Variants in RAB38 observed in about 807,000 individuals in gnomAD.
The protein encoded by RAB38 is RAB38, member RAS oncogene family.
In RAB38, 15 loss-of-function variants were observed where a neutral mutation model predicts 18.4. The ratio of observed to expected loss-of-function variants is 0.82; its 90% CI spans 0.55 to 1.26. The LOEUF (loss-of-function observed/expected upper bound fraction) is 1.26, where lower values mean the gene tolerates loss of function less well. Among genes scored for constraint, RAB38 ranks in the 50% most tolerant of loss-of-function variants. The probability of loss-of-function intolerance (pLI) is 0.00; values close to 1 mark genes in which losing one functional copy is unlikely to be tolerated. For synonymous variants in RAB38, 101 were observed against 104.4 expected (o/e 0.97, Z 0.20); for missense variants, 294 against 267.4 (o/e 1.10, Z -0.69).
chr11:88,091,688 C>A, the RAB38 span, among the ~76,000 whole-genome samples: 1 of 151,958 alleles, frequency 6.6e-6, no homozygotes, highest in African/African-American at 2.4e-5. Flanking sequence ...CCTTTGTAGT[C>A]ACCAAATGTT....
intron 1 of RAB38, among the ~76,000 whole-genome samples, chr11:88,174,395 A>C (rs1943350590): frequency 6.6e-6 from 1 of 152,000 alleles, no homozygotes; most frequent in Non-Finnish European, 1.5e-5. Context: ...AAAAACAAAC[A>C]ACCTCTCATT....
At chr11:88,043,041 C>CT in the RAB38 span, among the ~76,000 whole-genome samples, 459 of 151,874 alleles carry the variant, frequency 3.0e-3, no homozygotes, top group South Asian at 4.8e-3. Context: ...AACTAATTTC[C>CT]TTTTTTTTTA....
the RAB38 span, among the ~76,000 whole-genome samples, chr11:87,896,363 G>C: frequency 1.3e-5 from 2 of 151,648 alleles, no homozygotes; most frequent in Non-Finnish European, 3.0e-5. Context: ...TTATAGGGAG[G>C]TGAACCATCC....
At chr11:88,098,604 C>T in the RAB38 span, 1 of 151,858 alleles carries the variant, frequency 6.6e-6, no homozygotes, top group East Asian at 1.9e-4. Context: ...TCTTTCCATT[C>T]TCTGTTTTTA....
chr11:87,844,752 A>G, the RAB38 span, among the ~76,000 whole-genome samples: 1 of 152,188 alleles, frequency 6.6e-6, no homozygotes, highest in Non-Finnish European at 1.5e-5. Context: ...TCTGACTTGT[A>G]CATATGGGAA....
the RAB38 span, among the ~76,000 whole-genome samples, chr11:87,806,471 A>T: frequency 6.6e-6 from 1 of 152,156 alleles, no homozygotes; most frequent in Non-Finnish European, 1.5e-5. Context: ...CATCTCTCAA[A>T]GGCTCCATTC....
At chr11:87,907,710 G>T in the RAB38 span, among the ~76,000 whole-genome samples, 20 of 151,050 alleles carry the variant, frequency 1.3e-4, no homozygotes, top group African/African-American at 3.2e-4. Flanking sequence ...GAATAATCTG[G>T]TTTTTTTAAA....
chr11:87,840,554 T>G, the RAB38 span, among the ~76,000 whole-genome samples: 1 of 152,206 alleles, frequency 6.6e-6, no homozygotes, highest in Non-Finnish European at 1.5e-5. Flanking sequence ...GAAAGTTTTT[T>G]TGCAACATTT....
At chr11:87,909,360 TAAG>T in the RAB38 span, among the ~76,000 whole-genome samples, 2 of 151,998 alleles carry the variant, frequency 1.3e-5, no homozygotes, top group Non-Finnish European at 2.9e-5. Context: ...TTGCAGGAGT[TAAG>T]AAGGGCATTC....
the RAB38 span, among the ~76,000 whole-genome samples, chr11:88,053,165 CAT>C: frequency 4.7e-5 from 3 of 63,552 alleles, no homozygotes; most frequent in Non-Finnish European, 9.6e-5. Flanking sequence ...TATATACACA[CAT>C]ATATATGGAA....
At chr11:87,929,647 T>C in the RAB38 span, among the ~76,000 whole-genome samples, 16 of 152,042 alleles carry the variant, frequency 1.1e-4, no homozygotes, top group African/African-American at 3.9e-4. Context: ...ATGTGCCATG[T>C]TGGTGTGCTG....
the RAB38 span, among the ~76,000 whole-genome samples, chr11:88,080,125 T>G: frequency 3.3e-5 from 5 of 151,760 alleles, no homozygotes; most frequent in African/African-American, 7.2e-5. Flanking sequence ...TGATGGCATT[T>G]CCATACATAG....
chr11:87,951,850 C>A, the RAB38 span, among the ~76,000 whole-genome samples: 1 of 152,166 alleles, frequency 6.6e-6, no homozygotes. Flanking sequence ...GTGTCAGGGA[C>A]CCACTTGAGG....
At chr11:87,846,014 T>C in the RAB38 span, among the ~76,000 whole-genome samples, 1 of 152,022 alleles carries the variant, frequency 6.6e-6, no homozygotes, top group African/African-American at 2.4e-5. Flanking sequence ...ATATTTACTA[T>C]AGGAACGATA....
chr11:87,938,089 G>A, the RAB38 span, among the ~76,000 whole-genome samples: 18 of 151,832 alleles, frequency 1.2e-4, no homozygotes, highest in Admixed American at 5.3e-4. Context: ...GTTTTAGCTC[G>A]CTTTCTCTGT....
At chr11:87,930,925 T>G in the RAB38 span, among the ~76,000 whole-genome samples, 1 of 152,132 alleles carries the variant, frequency 6.6e-6, no homozygotes, top group Non-Finnish European at 1.5e-5. Context: ...TTGGTCTATA[T>G]CTCTGTTTTG....
the RAB38 span, among the ~76,000 whole-genome samples, chr11:87,844,966 A>G: frequency 6.6e-6 from 1 of 152,220 alleles, no homozygotes; most frequent in Non-Finnish European, 1.5e-5. Context: ...TCAGATCTGA[A>G]TTACCTGTAT....
At chr11:87,941,212 G>GATATAATATATATATATATATATATAT in the RAB38 span, among the ~76,000 whole-genome samples, 1 of 37,780 alleles carries the variant, frequency 2.6e-5, no homozygotes, top group African/African-American at 1.3e-4. Flanking sequence ...ATAAATATAT[G>GATATAATATATATATATATATATATAT]AGATATATAT....
chr11:87,977,782 A>C, the RAB38 span, among the ~76,000 whole-genome samples: 1 of 110,122 alleles, frequency 9.1e-6, no homozygotes, highest in Non-Finnish European at 1.7e-5. Flanking sequence ...TATATATTAT[A>C]TCATAGTTAT....
Sources: allele counts gnomAD v4.1 joint callset (sites outside exome capture counted in the v4.1 genomes callset), GRCh38; gene constraint gnomAD v4.1.1; transcripts MANE v1.5; gene names NCBI Gene and HGNC (gene_info 2026-07-23, HGNC 2026-07-21).